Variants in KREMEN1 observed in about 807,000 individuals in gnomAD.
KREMEN1 encodes the protein kremen protein 1.
A neutral mutation model predicts 46.5 loss-of-function variants in KREMEN1; 30 were observed. The ratio of observed to expected loss-of-function variants is 0.65; its 90% CI spans 0.48 to 0.88. The LOEUF is 0.88. Among genes scored for constraint, KREMEN1 ranks in the 40% least tolerant of loss-of-function variants. The pLI is 0.00. For synonymous variants in KREMEN1, 214 were observed against 230.6 expected (o/e 0.93, Z 0.65); for missense variants, 533 against 596.9 (o/e 0.89, Z 1.11).
chr22:29,145,527 C>T lies in KREMEN1; in HGVS notation c.*3415C>T. ...GAGCCCTCACCAGCCGATCTTGTCA[C>T]TCTCCGTGGTGACAGTGTCTTGGCC... is the stretch of plus-strand genomic sequence containing the variant. On this transcript the variant is annotated 3_prime_UTR_variant, in exon 9 of 9. Coordinates refer to ENST00000400335, the MANE Select transcript of KREMEN1 (RefSeq NM_001039570.3). The T allele has an allele frequency of 1.0e-6, 1 of 985,570 alleles. No individual in the cohort carries two copies. The highest frequency in any genetic ancestry group is 1.2e-6 in the Non-Finnish European group (1 of 830,036). The allele number at this position is 985,570 out of a possible 1,614,324, so 61.1% of individuals were successfully genotyped here. A position where few individuals can be genotyped will look rare whatever the true frequency, so the allele number is the denominator to read the frequency against.
intron 9 of KREMEN1, among the ~76,000 whole-genome samples, chr22:29,166,501 A>G (rs190274655): frequency 1.6e-3 from 239 of 152,300 alleles, no homozygotes; most frequent in Middle Eastern, 6.8e-3. Flanking sequence ...GGCCCACTTT[A>G]CAAAAGCCCA....
At chr22:29,167,524 C>T (rs115324634) in exon 10 of KREMEN1, 1,848 of 166,618 alleles carry the variant, frequency 0.011, 23 homozygotes, top group African/African-American at 0.028. Flanking sequence ...AAACAGCACA[C>T]AGCAAGCAAC....
At chr22:29,131,548 ATATATATATATATGTGTGTG>A (rs1415564778) in intron 5 of KREMEN1, among the ~76,000 whole-genome samples, 52 of 58,796 alleles carry the variant, frequency 8.8e-4, no homozygotes, top group Non-Finnish European at 1.5e-3. Flanking sequence ...ATATATATAT[ATATATATATATATGTGTGTG>A]TGTGTGTGTG....
chr22:29,144,266 G>A lies in KREMEN1; in HGVS notation c.*2154G>A. On this transcript the variant is annotated 3_prime_UTR_variant, in exon 9 of 9. Transcript: ENST00000400335. Reference sequence around the variant, plus strand: ...AACACCTCTGCACCTGCCGCCCCTGGGAGGAAAGAGGGCCACACAGGAAGT... The same window carrying A: ...AACACCTCTGCACCTGCCGCCCCTGAGAGGAAAGAGGGCCACACAGGAAGT... 1.0e-6 allele frequency: 1 copy of A among 985,636 alleles called. No individual in the cohort carries two copies. Among genetic ancestry groups the A allele is most frequent in the Non-Finnish European group, 1.2e-6 (1 of 830,066 alleles). 61.1% of individuals were successfully genotyped at this position (985,636 alleles called of 1,614,324 possible). A position where few individuals can be genotyped will look rare whatever the true frequency, so the allele number is the denominator to read the frequency against.
chr22:29,140,227 C>G (rs1364643529), intron 7 of KREMEN1, 55 bp from the exon 8 acceptor site: 5 of 1,454,968 alleles, frequency 3.4e-6, no homozygotes, highest in African/African-American at 1.4e-5. Flanking sequence ...AGCCGACCTC[C>G]TTTCGAAAAC....
At chr22:29,105,310 C>T (rs917468975) in intron 3 of KREMEN1, among the ~76,000 whole-genome samples, 6 of 144,032 alleles carry the variant, frequency 4.2e-5, no homozygotes, top group Admixed American at 4.2e-4. Context: ...AGACCCGTTA[C>T]ATTTTTAACA....
At chr22:29,154,361 A>T (rs1601821955) in intron 9 of KREMEN1, 1 of 152,120 alleles carries the variant, frequency 6.6e-6, no homozygotes, top group Non-Finnish European at 1.5e-5. Flanking sequence ...GGGTGAAAAT[A>T]CCCTTTTCTG....
In KREMEN1 at chr22:29,113,061, G is replaced by C. The variant is rs562976797; in HGVS notation, c.353-8296G>C. On this transcript the variant is annotated intron_variant, in intron 3 of 8. Transcript: ENST00000400335. Reference sequence around the variant, plus strand: ...ATTCAGTCTTGAATCTCAGGTCTCAGGGAGTCACTTTCATTTAGTTGCCCA... The same window carrying C: ...ATTCAGTCTTGAATCTCAGGTCTCACGGAGTCACTTTCATTTAGTTGCCCA... Among the ~76,000 whole-genome samples, 8 of 152,320 alleles carry C rather than the reference G, an allele frequency of 5.3e-5. No homozygotes were observed. In the South Asian group the frequency reaches 1.7e-3, roughly 32 times the overall value.
In KREMEN1 at chr22:29,126,292, A is replaced by G. The variant is rs77027120; in HGVS notation, c.631+876A>G. Among the ~76,000 whole-genome samples the G allele has an allele frequency of 6.9e-3, 1,046 of 152,298 alleles. 14 individuals are homozygous for G. The highest frequency in any genetic ancestry group is 0.023 in the African/African-American group (975 of 41,568). Reference sequence around the variant, plus strand: ...GGACTGCCATAACAGATTATCACCAACTGGGTGGCTTAAAACAACAAACAT... The same window carrying G: ...GGACTGCCATAACAGATTATCACCAGCTGGGTGGCTTAAAACAACAAACAT... On this transcript the variant is annotated intron_variant, in intron 5 of 8. Transcript: ENST00000400335.
At position 29,145,794 on chromosome 22, in the gene KREMEN1, G is replaced by A. The variant is rs2038849646; in HGVS notation, c.*3682G>A. 3.0e-6 allele frequency: 3 copies of A among 985,548 alleles called. No individual in the cohort carries two copies. The highest frequency in any genetic ancestry group is 3.6e-6 in the Non-Finnish European group (3 of 829,990). The allele number at this position is 985,548 out of a possible 1,614,324, so 61.1% of individuals were successfully genotyped here. On this transcript the variant is annotated 3_prime_UTR_variant, in exon 9 of 9. Coordinates refer to ENST00000400335, the MANE Select transcript of KREMEN1 (RefSeq NM_001039570.3). ...CTCTAACTTCTGAAGAGTGGGCTCT[G>A]GCTCAAGACTCCAATCGGCCAGAAG... is the stretch of plus-strand genomic sequence containing the variant.
At chr22:29,085,156 G>A in intron 1 of KREMEN1, among the ~76,000 whole-genome samples, 1 of 152,082 alleles carries the variant, frequency 6.6e-6, no homozygotes, top group East Asian at 1.9e-4. Context: ...AAAGGCTAAG[G>A]TAGATTAATT....
chr22:29,086,210 A>G (rs777251969), intron 1 of KREMEN1, among the ~76,000 whole-genome samples: 2 of 152,048 alleles, frequency 1.3e-5, no homozygotes, highest in Non-Finnish European at 2.9e-5. Context: ...CAGTGAAGGG[A>G]CGTTGAGATA....
chr22:29,146,027 A>C lies in KREMEN1; in HGVS notation c.*3915A>C, dbSNP rs2038853721. On this transcript the variant is annotated 3_prime_UTR_variant, in exon 9 of 9. Coordinates refer to ENST00000400335, the MANE Select transcript of KREMEN1 (RefSeq NM_001039570.3). ...CACTGCACGCTTACTCTTCACAAGC[A>C]CTTATACGCGGATGGCCTCCGAGAC... is the stretch of plus-strand genomic sequence containing the variant. 1.0e-5 allele frequency: 10 copies of C among 985,656 alleles called. No homozygotes were observed. The highest frequency in any genetic ancestry group is 1.2e-5 in the Non-Finnish European group (10 of 829,938). The allele number at this position is 985,656 out of a possible 1,614,324, so 61.1% of individuals were successfully genotyped here.
intron 3 of KREMEN1, among the ~76,000 whole-genome samples, chr22:29,105,386 G>T (rs2038039384): frequency 6.6e-6 from 1 of 151,950 alleles, no homozygotes; most frequent in Non-Finnish European, 1.5e-5. Flanking sequence ...GTTAGGGCTG[G>T]GTGGGTTGGG....
At chr22:29,161,554 A>T (rs1010859835) in intron 9 of KREMEN1, among the ~76,000 whole-genome samples, 1 of 150,872 alleles carries the variant, frequency 6.6e-6, no homozygotes, top group African/African-American at 2.4e-5. Flanking sequence ...GTACTAAAAA[A>T]CTTACCAGCC....
intron 9 of KREMEN1, among the ~76,000 whole-genome samples, chr22:29,159,124 GTTTTTTTTTTT>G (rs1162443966): frequency 2.8e-5 from 1 of 35,328 alleles, no homozygotes; most frequent in African/African-American, 7.5e-5. Context: ...CCAGCCAAGT[GTTTTTTTTTTT>G]TTTTTTTTTT....
intron 7 of KREMEN1, 157 bp downstream of exon 7, chr22:29,138,939 G>C: frequency 9.0e-7 from 1 of 1,109,924 alleles, no homozygotes; most frequent in Non-Finnish European, 1.3e-6. Flanking sequence ...GGCTTTTGAG[G>C]GAAATTTTCT....
chr22:29,133,247 CA>C (rs147076750), intron 5 of KREMEN1, among the ~76,000 whole-genome samples: 24 of 126,232 alleles, frequency 1.9e-4, no homozygotes, highest in East Asian at 4.4e-4. Flanking sequence ...GACTCCATCT[CA>C]AAAAAAAAAA....
intron 2 of KREMEN1, among the ~76,000 whole-genome samples, chr22:29,097,534 C>G (rs1469328568): frequency 6.6e-6 from 1 of 152,224 alleles, no homozygotes. Context: ...GAAGGAATAG[C>G]ACCCATTTCT....
Sources: allele counts gnomAD v4.1 joint callset (sites outside exome capture counted in the v4.1 genomes callset), GRCh38; gene constraint gnomAD v4.1.1; transcripts MANE v1.5; gene names NCBI Gene and HGNC (gene_info 2026-07-23, HGNC 2026-07-21).